TRDN: variants seen among roughly 807,000 people sequenced by gnomAD.
The protein encoded by TRDN is triadin.
In TRDN, 161 loss-of-function variants were observed where a neutral mutation model predicts 149.7. The observed-to-expected ratio is 1.08, with a 90% confidence interval of 0.95 to 1.23. TRDN has a LOEUF of 1.23. Ranked by LOEUF, TRDN falls within the 50% of genes most tolerant of loss-of-function variation. The pLI is 0.00. For synonymous variants in TRDN, 294 were observed against 250.5 expected (o/e 1.17, Z -1.64); for missense variants, 896 against 823.5 (o/e 1.09, Z -1.08).
At chr6:123,602,657 G>A (rs1784332897) in intron 1 of TRDN, among the ~76,000 whole-genome samples, 1 of 152,066 alleles carries the variant, frequency 6.6e-6, no homozygotes, top group Non-Finnish European at 1.5e-5. Context: ...CTATCTCAAT[G>A]TATTTCCTTC....
intron 10 of TRDN, among the ~76,000 whole-genome samples, chr6:123,463,878 C>G (rs1229960690): frequency 6.6e-6 from 1 of 151,308 alleles, no homozygotes; most frequent in Non-Finnish European, 1.5e-5. Context: ...TCATGAGTGT[C>G]ATCACTTAGG....
chr6:123,446,652 G>C (rs1305912463), intron 10 of TRDN, among the ~76,000 whole-genome samples: 1 of 151,494 alleles, frequency 6.6e-6, no homozygotes, highest in Admixed American at 6.6e-5. Context: ...GACTCAGGAG[G>C]GGAGTGTTGA....
intron 5 of TRDN, among the ~76,000 whole-genome samples, chr6:123,517,322 A>T (rs543575825): frequency 6.6e-6 from 1 of 152,236 alleles, no homozygotes; most frequent in South Asian, 2.1e-4. Context: ...TTGAAGCAGG[A>T]TGTCTCTTTT....
At chr6:123,446,007 C>T (rs571986715) in intron 10 of TRDN, among the ~76,000 whole-genome samples, 3 of 148,670 alleles carry the variant, frequency 2.0e-5, no homozygotes, top group Admixed American at 1.3e-4. Context: ...CAATGATAGA[C>T]CGGATTAAGA....
intron 19 of TRDN, among the ~76,000 whole-genome samples, chr6:123,373,140 T>C (rs2114385640): frequency 6.6e-6 from 1 of 152,216 alleles, no homozygotes; most frequent in African/African-American, 2.4e-5. Flanking sequence ...TTTGGCTGTG[T>C]CCCCACCTGA....
At position 123,381,360 on chromosome 6, in the gene TRDN, A is replaced by G; in HGVS notation, c.1186+10T>C. The G allele has an allele frequency of 6.4e-7, 1 of 1,555,004 alleles. No homozygotes were observed. The highest frequency in any genetic ancestry group is 8.7e-7 in the Non-Finnish European group (1 of 1,148,058). The stretch of plus-strand genomic sequence containing the variant: ...AAAAGTACACAAATACACTGCATGC[A>G]TTTCCTTACTTTTTCCCTTGGGTTG... On this transcript the variant is annotated intron_variant, in intron 16 of 40. Coordinates refer to ENST00000334268, the MANE Select transcript of TRDN (RefSeq NM_006073.4).
chr6:123,429,991 T>C (rs897850331), intron 12 of TRDN, among the ~76,000 whole-genome samples: 1 of 152,162 alleles, frequency 6.6e-6, no homozygotes, highest in African/African-American at 2.4e-5. Flanking sequence ...AATACAAGGC[T>C]GGGTGCAGTG....
chr6:123,467,547 G>C (rs1442996140), intron 9 of TRDN, among the ~76,000 whole-genome samples: 1 of 151,904 alleles, frequency 6.6e-6, no homozygotes, highest in African/African-American at 2.4e-5. Flanking sequence ...ATTAAAAAAA[G>C]AAAGGAGAAG....
intron 20 of TRDN, among the ~76,000 whole-genome samples, chr6:123,355,081 T>G (rs996725103): frequency 2.0e-5 from 3 of 151,694 alleles, no homozygotes; most frequent in Non-Finnish European, 3.0e-5. Flanking sequence ...TAACCTCTTC[T>G]GTGGAGTGCC....
intron 1 of TRDN, among the ~76,000 whole-genome samples, chr6:123,593,688 T>G (rs967108468): frequency 2.6e-5 from 4 of 152,186 alleles, no homozygotes; most frequent in Non-Finnish European, 2.9e-5. Flanking sequence ...TATAATGGAT[T>G]GGATCACACC....
At chr6:123,537,558 T>C (rs1780614765) in intron 4 of TRDN, among the ~76,000 whole-genome samples, 1 of 152,184 alleles carries the variant, frequency 6.6e-6, no homozygotes, top group Admixed American at 6.5e-5. Context: ...TTCACTTCAT[T>C]AGTTTTTCTT....
At chr6:123,284,754 G>A (rs542712213) in intron 24 of TRDN, among the ~76,000 whole-genome samples, 279 of 151,804 alleles carry the variant, frequency 1.8e-3, no homozygotes, top group African/African-American at 6.4e-3. Flanking sequence ...ATAATTATAC[G>A]CCCAGAAAAC....
At chr6:123,244,005 T>A (rs1231069029) in intron 38 of TRDN, among the ~76,000 whole-genome samples, 1 of 151,994 alleles carries the variant, frequency 6.6e-6, no homozygotes, top group Non-Finnish European at 1.5e-5. Context: ...AATATACAAG[T>A]TTCTCCAGTT....
chr6:123,354,844 A>G (rs945144208), intron 20 of TRDN, among the ~76,000 whole-genome samples: 1 of 151,782 alleles, frequency 6.6e-6, no homozygotes, highest in Non-Finnish European at 1.5e-5. Flanking sequence ...AAGAAATCTA[A>G]GTAGGGAAAG....
At chr6:123,343,124 A>G (rs1371737284) in intron 21 of TRDN, among the ~76,000 whole-genome samples, 1 of 152,086 alleles carries the variant, frequency 6.6e-6, no homozygotes, top group African/African-American at 2.4e-5. Flanking sequence ...CTTCCTGGAC[A>G]AAAAAGAAAA....
At position 123,264,772 on chromosome 6, in the gene TRDN, A is replaced by G. The variant is rs938343427; in HGVS notation, c.1804+546T>C. Among the ~76,000 whole-genome samples the G allele has an allele frequency of 3.9e-5, 6 of 152,060 alleles. No homozygotes were observed. In the Admixed American group the frequency reaches 3.9e-4, roughly 10 times the overall value. ...CCACCACCTTCATCAGTTAGCACCC[A>G]TCAACATCGAGACAATACTTTTACC... On this transcript the variant is annotated intron_variant, in intron 33 of 40. Transcript: ENST00000334268.
intron 12 of TRDN, among the ~76,000 whole-genome samples, chr6:123,430,455 G>A (rs1247192211): frequency 1.3e-5 from 2 of 151,920 alleles, no homozygotes; most frequent in East Asian, 2.0e-4. Flanking sequence ...GGTGGCATGT[G>A]CCTGTAGTCC....
rs1194890577 is a variant in TRDN, at chr6:123,522,824, G to C, written c.485-6618C>G. On this transcript the variant is annotated intron_variant, in intron 5 of 40. Transcript: ENST00000334268. ...TTAAATCGTTATTTCAGTATTTATTGAGTGTGTTGGGTACTGTTAGATGTT... is the reference window on the plus strand; with the variant it reads ...TTAAATCGTTATTTCAGTATTTATTCAGTGTGTTGGGTACTGTTAGATGTT... Among the ~76,000 whole-genome samples the C allele has an allele frequency of 2.6e-5, 4 of 152,124 alleles. 1 individual carries two copies. Among genetic ancestry groups the C allele is most frequent in the Admixed American group, 2.0e-4 (3 of 15,254 alleles).
At chr6:123,475,825 A>G in intron 9 of TRDN, among the ~76,000 whole-genome samples, 1 of 152,042 alleles carries the variant, frequency 6.6e-6, no homozygotes, top group Non-Finnish European at 1.5e-5. Flanking sequence ...TTATCTCAAT[A>G]GATGCAGAAA....
Sources: gnomAD v4.1 joint callset for allele counts (sites outside exome capture counted in the v4.1 genomes callset) on GRCh38, gnomAD v4.1.1 for gene constraint, MANE v1.5 for transcripts, NCBI Gene and HGNC (gene_info 2026-07-23, HGNC 2026-07-21) for gene names.